The following TRIM25 variants were observed in gnomAD, a reference collection of about 807,000 sequenced individuals.
The protein encoded by TRIM25 is E3 ubiquitin/ISG15 ligase TRIM25.
TRIM25 carries 45 observed loss-of-function variants against 65.2 expected under a neutral mutation model. That is an observed-to-expected ratio of 0.69 (90% CI 0.54 to 0.89). The LOEUF (loss-of-function observed/expected upper bound fraction) is 0.89. Ranked by LOEUF, TRIM25 falls within the 40% of genes least tolerant of loss-of-function variation. The probability of loss-of-function intolerance (pLI) is 0.00; values close to 1 mark genes in which losing one functional copy is unlikely to be tolerated. For synonymous variants in TRIM25, 321 were observed against 340.4 expected, an observed-to-expected ratio of 0.94 and a Z score of 0.63; for missense variants, 714 against 803.7, an observed-to-expected ratio of 0.89 and a Z score of 1.35.
At chr17:56,902,262 CT>C (rs1567840630) in intron 3 of TRIM25, among the ~76,000 whole-genome samples, 1 of 152,222 alleles carries the variant, frequency 6.6e-6, no homozygotes, top group Non-Finnish European at 1.5e-5. Context: ...TCCCCACCCC[CT>C]GATCTGAACA....
chr17:56,901,393 G>T lies in TRIM25; in HGVS notation c.1087+26C>A, dbSNP rs74579942. 1.6e-3 allele frequency: 2,633 copies of T among 1,609,642 alleles called. 42 individuals are homozygous for T. In the African/African-American group the frequency reaches 0.031, roughly 19 times the overall value. ...ATCGGGTTGCAGGGTTCCACAGGGG[G>T]CAGCATAGGGGGCTGCTAAGGTCAC... On this transcript the variant is annotated intron_variant, in intron 4 of 8. Coordinates refer to ENST00000316881, the MANE Select transcript of TRIM25 (RefSeq NM_005082.5).
In TRIM25 at chr17:56,890,305, A is replaced by T; in HGVS notation, c.*1395T>A. On this transcript the variant is annotated 3_prime_UTR_variant, in exon 9 of 9. Coordinates refer to ENST00000316881, the MANE Select transcript of TRIM25 (RefSeq NM_005082.5). ...AGCCATCCATTCACTCCCGCCCCTT[A>T]GTGGACTGGGTTATTTTCACCACAC... 1 of 338,142 alleles carries T rather than the reference A, an allele frequency of 3.0e-6. No homozygotes were observed. The highest frequency in any genetic ancestry group is 5.8e-6 in the Non-Finnish European group (1 of 172,204). The allele number at this position is 338,142 out of a possible 1,614,324, so 20.9% of individuals were successfully genotyped here.
chr17:56,902,041 G>A (rs77264910), intron 3 of TRIM25, among the ~76,000 whole-genome samples: 1 of 152,190 alleles, frequency 6.6e-6, no homozygotes, highest in Non-Finnish European at 1.5e-5. Context: ...TATGGGAAGG[G>A]AGGGTCTTCC....
At chr17:56,894,402 C>A (rs1457180820) in intron 8 of TRIM25, among the ~76,000 whole-genome samples, 2 of 152,210 alleles carry the variant, frequency 1.3e-5, no homozygotes, top group African/African-American at 2.4e-5. Context: ...GCATGTGCCA[C>A]CACGCCCGGC....
intron 8 of TRIM25, among the ~76,000 whole-genome samples, 158 bp downstream of exon 8, chr17:56,895,185 C>A (rs1048152965): frequency 2.0e-5 from 3 of 152,154 alleles, no homozygotes; most frequent in African/African-American, 7.2e-5. Context: ...TAAAGAAAGG[C>A]ACTGATGACT....
intron 1 of TRIM25, chr17:56,912,271 A>T (rs1301686524): frequency 6.6e-6 from 1 of 152,242 alleles, no homozygotes; most frequent in South Asian, 2.1e-4. Flanking sequence ...GGAAGGTATG[A>T]TCCCCAAACC....
chr17:56,911,616 C>T (rs988770812), intron 1 of TRIM25, among the ~76,000 whole-genome samples: 2 of 151,578 alleles, frequency 1.3e-5, no homozygotes, highest in Admixed American at 6.6e-5. Context: ...AGCCAGGCCC[C>T]ATGGTAGCAC....
At position 56,913,954 on chromosome 17, in the gene TRIM25, G is replaced by A. The variant is rs1598081952; in HGVS notation, c.35C>T (p.Ser12Leu). 3.2e-6 allele frequency: 5 copies of A among 1,583,574 alleles called. No homozygotes were observed. The highest frequency in any genetic ancestry group is 4.5e-5 in the East Asian group (2 of 43,962). Residue 12 changes from serine (S) to leucine (L), a missense_variant, in exon 1 of 9, where the codon TCG becomes TTG. Physicochemically the swap from Ser to Leu is moderately radical, Grantham distance 145 (BLOSUM62 -2). Around this residue, in one of 3 missense-constraint regions of TRIM25, gnomAD observed 291 missense variants for 281.8 expected, o/e 1.03. Transcript: ENST00000316881. The surrounding 1 kb of genome is among the most constrained non-coding windows in gnomAD (Gnocchi z 6.1). ...GAAGGGCTCCAGGCAGATGGAGCACGACAGCTCCTCGGCCAGGGGGCACAG... is the reference window on the plus strand; with the variant it reads ...GAAGGGCTCCAGGCAGATGGAGCACAACAGCTCCTCGGCCAGGGGGCACAG... The part of the protein sequence containing the change: ...AELCPLAEEL[S>L]CSICLEPFKE...
chr17:56,908,411 G>T (rs139536637), intron 2 of TRIM25, 57 bp downstream of exon 2: 3 of 1,557,884 alleles, frequency 1.9e-6, no homozygotes, highest in Non-Finnish European at 1.8e-6. Flanking sequence ...CCCATCCCGC[G>T]TGGAAGCTGA....
At chr17:56,899,218 T>G in intron 4 of TRIM25, 38 bp from the exon 5 acceptor site, 1 of 1,610,002 alleles carries the variant, frequency 6.2e-7, no homozygotes, top group African/African-American at 1.3e-5. Flanking sequence ...GTGCGGCTCC[T>G]CTCACTGACC....
At position 56,899,757 on chromosome 17, in the gene TRIM25, T is replaced by C. The variant is rs560408527; in HGVS notation, c.1088-577A>G. On this transcript the variant is annotated intron_variant, in intron 4 of 8. Transcript: ENST00000316881. ...GAGATTTACTATGGGCCAGGCTCTG[T>C]GCTAGGCACTAGGGAAATAGCGTTG... Among the ~76,000 whole-genome samples the C allele has an allele frequency of 2.0e-5, 3 of 152,318 alleles. No individual in the cohort carries two copies. The South Asian group carries it at 6.2e-4, about 32-fold the overall frequency.
chr17:56,913,815 C>G lies in TRIM25; in HGVS notation c.174G>C (p.Gln58His). Residue 58 changes from glutamine to histidine, a missense_variant, in exon 1 of 9, where the codon CAG becomes CAC. This residue lies in a region of TRIM25 where 291 missense variants were observed against 281.8 expected (regional missense o/e 1.03). Coordinates refer to ENST00000316881, the MANE Select transcript of TRIM25 (RefSeq NM_005082.5). This position sits in a 1 kb window ranked among gnomAD's most constrained non-coding sequence, Gnocchi z 6.1. ...YLCPQCRAVY[Q>H]ARPQLHKNTV... ...TGTTCTTGTGCAGCTGCGGTCGCGCCTGGTAGACGGCGCGGCACTGCGGGC... is the reference window on the plus strand; with the variant it reads ...TGTTCTTGTGCAGCTGCGGTCGCGCGTGGTAGACGGCGCGGCACTGCGGGC... 1 of 1,564,868 alleles carries G rather than the reference C, an allele frequency of 6.4e-7. No homozygotes were observed.
Position 56,890,767 on chromosome 17 carries a change from A to T in TRIM25, c.*933T>A, listed in dbSNP as rs1364870207. 2 of 456,162 alleles carry T rather than the reference A, an allele frequency of 4.4e-6. No individual in the cohort carries two copies. The highest frequency in any genetic ancestry group is 8.8e-6 in the Non-Finnish European group (2 of 226,858). 28.3% of individuals were successfully genotyped at this position (456,162 alleles called of 1,614,324 possible). ...AGAGTTGTCAGTAAGAAGGCAGGAC[A>T]CTCTAACACGAGCAAACCCACCAGG... is the stretch of plus-strand genomic sequence containing the variant. On this transcript the variant is annotated 3_prime_UTR_variant, in exon 9 of 9. Coordinates refer to ENST00000316881, the MANE Select transcript of TRIM25 (RefSeq NM_005082.5).
chr17:56,892,011 T>G lies in TRIM25; in HGVS notation c.1582A>C (p.Ile528Leu). The stretch of plus-strand genomic sequence containing the variant: ...TGCCGGTTCATGCTTCCGTAGCAGA[T>G]GCCTACCCCACAGAAGTTGTTCTTC... The part of the protein sequence containing the change: ...LQKNNFCGVG[I>L]CYGSMNRQGP... The change falls in exon 9 of 9, where the codon ATC (isoleucine) becomes CTC (leucine). Residue 528 changes from isoleucine (I) to leucine (L), a missense_variant. Coordinates refer to ENST00000316881, the MANE Select transcript of TRIM25 (RefSeq NM_005082.5). 6.2e-7 allele frequency: 1 copy of G among 1,614,194 alleles called. No individual in the cohort carries two copies. The highest frequency in any genetic ancestry group is 8.5e-7 in the Non-Finnish European group (1 of 1,180,030).
Position 56,913,943 on chromosome 17 carries a change from A to C in TRIM25, c.46T>G (p.Cys16Gly). 1 of 1,588,782 alleles carries C rather than the reference A, an allele frequency of 6.3e-7. No homozygotes were observed. The highest frequency in any genetic ancestry group is 8.6e-7 in the Non-Finnish European group (1 of 1,168,116). Reference protein sequence around the residue: ...PLAEELSCSICLEPFKEPVTT... With the variant: ...PLAEELSCSIGLEPFKEPVTT... ...ACCGGCTCCTTGAAGGGCTCCAGGC[A>C]GATGGAGCACGACAGCTCCTCGGCC... is the stretch of plus-strand genomic sequence containing the variant. Residue 16 changes from cysteine to glycine, a missense_variant, in exon 1 of 9, where the codon TGC becomes GGC. Coordinates refer to ENST00000316881, the MANE Select transcript of TRIM25 (RefSeq NM_005082.5). This position sits in a 1 kb window ranked among gnomAD's most constrained non-coding sequence, Gnocchi z 6.1.
chr17:56,892,256 A>C lies in TRIM25; in HGVS notation c.1364-27T>G, dbSNP rs753812560. 7.7e-6 allele frequency: 12 copies of C among 1,560,908 alleles called. No homozygotes were observed. The African/African-American group carries it at 1.4e-4, about 18-fold the overall frequency. On this transcript the variant is annotated intron_variant, in intron 8 of 8. Transcript: ENST00000316881. ...TGAGAAAACATCACCCCAAGGAATT[A>C]ATTACAAGGGGCCCAAAGTGCTCTT...
intron 8 of TRIM25, 34 bp from the exon 9 acceptor site, chr17:56,892,263 AG>A (rs779886613): frequency 1.9e-6 from 3 of 1,551,360 alleles, no homozygotes; most frequent in African/African-American, 2.7e-5. Flanking sequence ...ATTAATTACA[AG>A]GGGCCCAAAG....
chr17:56,892,197 C>A lies in TRIM25; in HGVS notation c.1396G>T (p.Ala466Ser), dbSNP rs141649169. 7.5e-6 allele frequency: 12 copies of A among 1,607,876 alleles called. No homozygotes were observed. The East Asian group carries it at 2.0e-4, about 27-fold the overall frequency. The change falls in exon 9 of 9, where the codon GCC becomes TCC. Residue 466 changes from alanine to serine, a missense_variant. Physicochemically the swap from Ala to Ser is moderately conservative, Grantham distance 99. Coordinates refer to ENST00000316881, the MANE Select transcript of TRIM25 (RefSeq NM_005082.5). ...TCTGACAGAGCCACTTTGTTGTGGG[C>A]GGTGTTGTAGTCCAGGATGACTTTA... ...YIKVILDYNTAHNKVALSECY... is the reference protein window; with the variant it reads ...YIKVILDYNTSHNKVALSECY...
At position 56,892,179 on chromosome 17, in the gene TRIM25, G is replaced by C; in HGVS notation, c.1414C>G (p.Leu472Val). The C allele has an allele frequency of 6.2e-7, 1 of 1,612,264 alleles. No individual in the cohort carries two copies. The highest frequency in any genetic ancestry group is 8.5e-7 in the Non-Finnish European group (1 of 1,178,520). ...DYNTAHNKVA[L>V]SECYTVASVA... ...GAAGCTACTGTATAGCACTCTGACA[G>C]AGCCACTTTGTTGTGGGCGGTGTTG... Residue 472 changes from leucine (L) to valine (V), a missense_variant, in exon 9 of 9, where the codon CTG becomes GTG. Coordinates refer to ENST00000316881, the MANE Select transcript of TRIM25 (RefSeq NM_005082.5).
Sources: gnomAD v4.1 joint callset for allele counts (sites outside exome capture counted in the v4.1 genomes callset) on GRCh38, gnomAD v4.1.1 for gene constraint, gnomAD v4.1.1 regional missense constraint, Gnocchi (gnomAD v3.1) non-coding constraint, MANE v1.5 for transcripts, NCBI Gene and HGNC (gene_info 2026-07-23, HGNC 2026-07-21) for gene names.